The following MAML2 variants were observed in gnomAD, a reference collection of about 807,000 sequenced individuals.
MAML2 encodes mastermind-like protein 2.
A neutral mutation model predicts 96.1 loss-of-function variants in MAML2; 22 were observed. The ratio of observed to expected loss-of-function variants is 0.23; its 90% CI spans 0.16 to 0.33. The LOEUF (loss-of-function observed/expected upper bound fraction) is 0.33, where lower values mean the gene tolerates loss of function less well. Ranked by LOEUF, MAML2 falls within the 10% of genes least tolerant of loss-of-function variation. The probability of loss-of-function intolerance (pLI) is 1.00; values close to 1 mark genes in which losing one functional copy is unlikely to be tolerated. For synonymous variants in MAML2, 561 were observed against 521.3 expected, an observed-to-expected ratio of 1.08 and a Z score of -1.04; for missense variants, 1,367 against 1,392.4, an observed-to-expected ratio of 0.98 and a Z score of 0.29.
chr11:96,003,750 TAA>T (rs1177992084), intron 2 of MAML2, among the ~76,000 whole-genome samples: 4 of 152,160 alleles, frequency 2.6e-5, no homozygotes, highest in Non-Finnish European at 5.9e-5. Context: ...TATCTATACT[TAA>T]GTCAATTTGA....
intron 2 of MAML2, among the ~76,000 whole-genome samples, chr11:96,054,490 G>A (rs1356004264): frequency 6.6e-6 from 1 of 152,196 alleles, no homozygotes; most frequent in African/African-American, 2.4e-5. Flanking sequence ...AGTTTAAGGA[G>A]GGGTTCCTTT....
chr11:96,229,880 A>C (rs901243888), intron 1 of MAML2, among the ~76,000 whole-genome samples: 1 of 152,128 alleles, frequency 6.6e-6, no homozygotes, highest in Non-Finnish European at 1.5e-5. Context: ...GTGGGTGTGG[A>C]TATGGAAAAC....
At chr11:96,211,539 A>G (rs1217630718) in intron 1 of MAML2, among the ~76,000 whole-genome samples, 1 of 152,176 alleles carries the variant, frequency 6.6e-6, no homozygotes, top group African/African-American at 2.4e-5. Context: ...TAATATAAAA[A>G]TAAGAATGAA....
intron 1 of MAML2, among the ~76,000 whole-genome samples, chr11:96,213,515 A>G (rs974444610): frequency 2.0e-5 from 3 of 152,250 alleles, no homozygotes; most frequent in Non-Finnish European, 4.4e-5. Context: ...CTTTCTAGAA[A>G]TCATAGCATC....
At chr11:96,016,101 T>C (rs1263245064) in intron 2 of MAML2, among the ~76,000 whole-genome samples, 3 of 152,230 alleles carry the variant, frequency 2.0e-5, no homozygotes, top group Admixed American at 6.5e-5. Flanking sequence ...TTTAAACTTA[T>C]TTATTTAAAT....
At chr11:96,034,432 TGAGA>T (rs371921984) in intron 2 of MAML2, among the ~76,000 whole-genome samples, 118 of 135,710 alleles carry the variant, frequency 8.7e-4, no homozygotes, top group South Asian at 2.6e-3. Flanking sequence ...TGTGTGTGTG[TGAGA>T]GAGAGAGAGA....
chr11:96,100,425 T>C (rs1859906419), intron 1 of MAML2, among the ~76,000 whole-genome samples: 1 of 151,816 alleles, frequency 6.6e-6, no homozygotes, highest in South Asian at 2.1e-4. Context: ...TTCTCCTGCC[T>C]CAGCCTCCCG....
intron 2 of MAML2, among the ~76,000 whole-genome samples, chr11:96,039,464 T>C (rs1858771442): frequency 6.6e-6 from 1 of 151,188 alleles, no homozygotes. Context: ...AAAAGTAACA[T>C]AGGAGGAGCT....
At chr11:96,034,272 T>G (rs1160858565) in intron 2 of MAML2, among the ~76,000 whole-genome samples, 1 of 152,230 alleles carries the variant, frequency 6.6e-6, no homozygotes, top group Non-Finnish European at 1.5e-5. Context: ...TCATAAAGTC[T>G]GGGTTTTATA....
intron 1 of MAML2, among the ~76,000 whole-genome samples, chr11:96,296,420 G>A (rs751182373): frequency 1.2e-4 from 19 of 152,216 alleles, no homozygotes; most frequent in South Asian, 8.3e-4. Flanking sequence ...AGAGGCGAGC[G>A]GATCCGAGGC....
intron 1 of MAML2, among the ~76,000 whole-genome samples, chr11:96,286,409 C>T (rs1863140687): frequency 6.6e-6 from 1 of 152,144 alleles, no homozygotes; most frequent in Non-Finnish European, 1.5e-5. Context: ...ATCTGTGCAG[C>T]AAACCACCAT....
At chr11:96,083,864 T>C (rs972967428) in intron 2 of MAML2, among the ~76,000 whole-genome samples, 6 of 152,106 alleles carry the variant, frequency 3.9e-5, no homozygotes, top group African/African-American at 1.4e-4. Context: ...AGGTAATCCA[T>C]GCTCAAAGAG....
chr11:96,267,014 A>G (rs754195928), intron 1 of MAML2, among the ~76,000 whole-genome samples: 12 of 152,246 alleles, frequency 7.9e-5, no homozygotes, highest in Admixed American at 3.9e-4. Context: ...AGTGAATGAA[A>G]GGCCATGTAG....
At chr11:96,331,928 T>C (rs1863859933) in intron 1 of MAML2, among the ~76,000 whole-genome samples, 1 of 152,170 alleles carries the variant, frequency 6.6e-6, no homozygotes, top group African/African-American at 2.4e-5. Flanking sequence ...TGTCCTATTT[T>C]TAGACTAATA....
intron 1 of MAML2, among the ~76,000 whole-genome samples, chr11:96,308,711 C>T (rs577940174): frequency 2.0e-4 from 30 of 152,116 alleles, no homozygotes; most frequent in Non-Finnish European, 3.5e-4. Context: ...TTTAAAGAAA[C>T]TTGTGCTTTA....
intron 1 of MAML2, among the ~76,000 whole-genome samples, chr11:96,306,867 A>G (rs1863471193): frequency 6.6e-6 from 1 of 152,214 alleles, no homozygotes; most frequent in Non-Finnish European, 1.5e-5. Flanking sequence ...AGTGAGCACG[A>G]GGAATTGATT....
At chr11:96,070,702 C>A (rs890819567) in intron 2 of MAML2, among the ~76,000 whole-genome samples, 1 of 152,222 alleles carries the variant, frequency 6.6e-6, no homozygotes, top group Non-Finnish European at 1.5e-5. Flanking sequence ...GGATCCAGGT[C>A]GGTAGTGTGA....
intron 1 of MAML2, among the ~76,000 whole-genome samples, chr11:96,132,794 T>G (rs1860567703): frequency 6.6e-6 from 1 of 152,232 alleles, no homozygotes; most frequent in South Asian, 2.1e-4. Context: ...TGTATTTGGG[T>G]GTTCTGGACT....
At chr11:96,116,535 T>C (rs1304824362) in intron 1 of MAML2, among the ~76,000 whole-genome samples, 1 of 152,172 alleles carries the variant, frequency 6.6e-6, no homozygotes, top group Non-Finnish European at 1.5e-5. Context: ...TCCTGGCTTG[T>C]GTGTGTAATT....
Sources: gnomAD v4.1 joint callset for allele counts (sites outside exome capture counted in the v4.1 genomes callset) on GRCh38, gnomAD v4.1.1 for gene constraint, MANE v1.5 for transcripts, NCBI Gene and HGNC (gene_info 2026-07-23, HGNC 2026-07-21) for gene names.